RANBP2: variants seen among roughly 807,000 people sequenced by gnomAD.
RANBP2 encodes E3 SUMO-protein ligase RanBP2.
Under a neutral mutation model 303.6 loss-of-function variants are expected in RANBP2, and 57 were observed. The ratio of observed to expected loss-of-function variants is 0.19; its 90% CI spans 0.15 to 0.23. The LOEUF (loss-of-function observed/expected upper bound fraction) is 0.23. Among genes scored for constraint, RANBP2 ranks in the 10% least tolerant of loss-of-function variants. The pLI is 1.00. For missense variants in RANBP2, 3,138 were observed against 3,780.8 expected (o/e 0.83, Z 4.46); for synonymous variants, 1,167 against 1,301.5 (o/e 0.90, Z 2.23).
chr2:109,607,291 A>G, the RANBP2 span, among the ~76,000 whole-genome samples: 3 of 152,214 alleles, frequency 2.0e-5, no homozygotes, highest in African/African-American at 7.2e-5. Flanking sequence ...AAGTTCTTGA[A>G]TGCCTCATTT....
At chr2:109,685,924 C>T in the RANBP2 span, among the ~76,000 whole-genome samples, 1 of 151,886 alleles carries the variant, frequency 6.6e-6, no homozygotes, top group Admixed American at 6.6e-5. Flanking sequence ...GTAAAACCCC[C>T]CCAAAAAACA....
chr2:109,209,430 C>T, the RANBP2 span, among the ~76,000 whole-genome samples: 2 of 152,116 alleles, frequency 1.3e-5, no homozygotes, highest in South Asian at 2.1e-4. Context: ...CCCACCTGGC[C>T]GATTCCAAGC....
chr2:108,910,352 A>G, the RANBP2 span: 2 of 888,848 alleles, frequency 2.3e-6, no homozygotes, highest in Non-Finnish European at 3.7e-6. Context: ...ACGTCCCCAT[A>G]GTGTCCCAGG....
the RANBP2 span, among the ~76,000 whole-genome samples, chr2:108,852,724 G>GTT: frequency 6.6e-6 from 1 of 152,060 alleles, no homozygotes; most frequent in Non-Finnish European, 1.5e-5. Context: ...ATACATAAGG[G>GTT]GAACAACACA....
chr2:108,725,407 A>C (rs1299451296), intron 1 of RANBP2, among the ~76,000 whole-genome samples: 1 of 152,224 alleles, frequency 6.6e-6, no homozygotes, highest in African/African-American at 2.4e-5. Flanking sequence ...CAAAGAAGGT[A>C]ATGGAATTAT....
At chr2:109,175,286 T>C in the RANBP2 span, among the ~76,000 whole-genome samples, 1 of 152,358 alleles carries the variant, frequency 6.6e-6, no homozygotes, top group Non-Finnish European at 1.5e-5. Flanking sequence ...ATTGGCACGC[T>C]AATCTTTGCA....
the RANBP2 span, chr2:108,910,738 A>G: frequency 6.2e-7 from 1 of 1,607,330 alleles, no homozygotes; most frequent in Non-Finnish European, 8.5e-7. Flanking sequence ...AGAGATGGGC[A>G]CCGTGCACAT....
At chr2:109,413,987 G>A in the RANBP2 span, among the ~76,000 whole-genome samples, 1 of 152,226 alleles carries the variant, frequency 6.6e-6, no homozygotes, top group Non-Finnish European at 1.5e-5. Context: ...GTCCTTCTAG[G>A]TCCTTGGCTT....
At chr2:109,408,285 C>G in the RANBP2 span, among the ~76,000 whole-genome samples, 1 of 152,158 alleles carries the variant, frequency 6.6e-6, no homozygotes, top group Non-Finnish European at 1.5e-5. Flanking sequence ...CAGGAGGAAA[C>G]CAGGCCACTG....
At chr2:109,444,681 T>C in the RANBP2 span, among the ~76,000 whole-genome samples, 6 of 152,254 alleles carry the variant, frequency 3.9e-5, no homozygotes, top group South Asian at 1.2e-3. Flanking sequence ...CCATTAAACC[T>C]AGTTCTAAGG....
intron 23 of RANBP2, among the ~76,000 whole-genome samples, chr2:108,774,466 C>G (rs1171395165): frequency 2.0e-5 from 3 of 152,030 alleles, no homozygotes; most frequent in African/African-American, 7.2e-5. Flanking sequence ...CATAGTGAGA[C>G]CGCCTCTTAA....
the RANBP2 span, among the ~76,000 whole-genome samples, chr2:109,407,456 T>C: frequency 6.6e-6 from 1 of 152,148 alleles, no homozygotes; most frequent in African/African-American, 2.4e-5. Flanking sequence ...GGCTGGGTCT[T>C]ATTATCTCTG....
At chr2:108,752,376 C>G (rs1170540966) in intron 12 of RANBP2, among the ~76,000 whole-genome samples, 1 of 151,064 alleles carries the variant, frequency 6.6e-6, no homozygotes, top group Non-Finnish European at 1.5e-5. Context: ...TTTGAACAAA[C>G]TGACACTACA....
the RANBP2 span, among the ~76,000 whole-genome samples, chr2:109,201,247 A>G: frequency 6.6e-6 from 1 of 152,194 alleles, no homozygotes; most frequent in African/African-American, 2.4e-5. Flanking sequence ...TCATTTTGCA[A>G]AGTGAAAATT....
At chr2:108,978,050 C>A in the RANBP2 span, among the ~76,000 whole-genome samples, 2 of 152,212 alleles carry the variant, frequency 1.3e-5, no homozygotes, top group Admixed American at 6.5e-5. Flanking sequence ...CAAAGTCGTT[C>A]TTCCTTCTCC....
At chr2:109,547,259 ACTGTT>A in the RANBP2 span, among the ~76,000 whole-genome samples, 2 of 152,018 alleles carry the variant, frequency 1.3e-5, no homozygotes, top group Non-Finnish European at 2.9e-5. Flanking sequence ...GTAAAAATTA[ACTGTT>A]CTTTGTTGAA....
At chr2:109,750,768 G>C in the RANBP2 span, among the ~76,000 whole-genome samples, 9 of 78,524 alleles carry the variant, frequency 1.1e-4, 1 homozygote, top group Admixed American at 1.3e-3. Context: ...CTGTCACCCA[G>C]GCTGGAGTGC....
At chr2:109,552,689 C>A in the RANBP2 span, 1 of 178,530 alleles carries the variant, frequency 5.6e-6, no homozygotes, top group African/African-American at 2.4e-5. Context: ...AGTCGTGTTT[C>A]TTCTTTTAGC....
At chr2:109,448,131 A>T in the RANBP2 span, among the ~76,000 whole-genome samples, 4 of 152,224 alleles carry the variant, frequency 2.6e-5, no homozygotes, top group Non-Finnish European at 4.4e-5. Flanking sequence ...CCAGTTCGGG[A>T]TCAAGAGTAA....
Sources: gnomAD v4.1 joint callset for allele counts (sites outside exome capture counted in the v4.1 genomes callset) on GRCh38, gnomAD v4.1.1 for gene constraint, MANE v1.5 for transcripts, NCBI Gene and HGNC (gene_info 2026-07-23, HGNC 2026-07-21) for gene names.